The following HSPB8 variants were observed in gnomAD, a reference collection of about 807,000 sequenced individuals.
HSPB8 encodes the protein heat shock protein family B (small) member 8.
In HSPB8, 9 loss-of-function variants were observed where a neutral mutation model predicts 16.5. That is an observed-to-expected ratio of 0.55 (90% confidence interval 0.33 to 0.95). The LOEUF is 0.95. Ranked by LOEUF, HSPB8 falls within the 40% of genes least tolerant of loss-of-function variation. HSPB8 has a pLI of 0.03. For missense variants in HSPB8, 238 were observed against 251.2 expected (o/e 0.95, Z 0.35); for synonymous variants, 99 against 94.8 (o/e 1.04, Z -0.26).
At chr12:119,192,525 G>A (rs533595721) in intron 2 of HSPB8, among the ~76,000 whole-genome samples, 1 of 152,042 alleles carries the variant, frequency 6.6e-6, no homozygotes, top group East Asian at 1.9e-4. Context: ...CATGGTGGTG[G>A]GTGTCTGTAA....
At position 119,194,150 on chromosome 12, in the gene HSPB8, G is replaced by T. The variant is rs1954730209; in HGVS notation, c.*292G>T. 1.3e-5 allele frequency: 6 copies of T among 445,390 alleles called. No individual in the cohort carries two copies. The highest frequency in any genetic ancestry group is 1.1e-4 in the South Asian group (5 of 45,910). 27.6% of individuals were successfully genotyped at this position (445,390 alleles called of 1,614,324 possible). On this transcript the variant is annotated 3_prime_UTR_variant, in exon 3 of 3. Transcript: ENST00000281938. ...TCTATAGTTGCAAAACACATAAAAG[G>T]GGACTTAACATTTCACGTTGTATCT... is the stretch of plus-strand genomic sequence containing the variant.
chr12:119,180,400 G>A (rs1342770219), intron 1 of HSPB8, among the ~76,000 whole-genome samples: 1 of 152,180 alleles, frequency 6.6e-6, no homozygotes, highest in Non-Finnish European at 1.5e-5. Context: ...AAGAAGTGAT[G>A]ATTTACTGAG....
intron 2 of HSPB8, among the ~76,000 whole-genome samples, chr12:119,187,338 C>T (rs1387326762): frequency 6.6e-6 from 1 of 151,998 alleles, no homozygotes; most frequent in African/African-American, 2.4e-5. Flanking sequence ...ATTAAAAACC[C>T]CATTTTATTT....
In HSPB8 at chr12:119,187,077, A is replaced by G. The variant is rs1954680935; in HGVS notation, c.420A>G (p.Thr140=). 2 of 1,614,030 alleles carry G rather than the reference A, an allele frequency of 1.2e-6. No homozygotes were observed. Among genetic ancestry groups the G allele is most frequent in the Non-Finnish European group, 1.7e-6 (2 of 1,179,918 alleles). The change falls in exon 2 of 3, where the codon ACA becomes ACG. Residue 140 remains threonine (T), a synonymous_variant. Coordinates refer to ENST00000281938, the MANE Select transcript of HSPB8 (RefSeq NM_014365.3). ...QEGGIVSKNF[T]KKIQLPAEVD... ...GTGGCATTGTTTCTAAGAACTTCACAAAGAAAATCCAGTAAGTAACCTGGA... is the reference window on the plus strand; with the variant it reads ...GTGGCATTGTTTCTAAGAACTTCACGAAGAAAATCCAGTAAGTAACCTGGA...
chr12:119,189,007 G>A (rs958133495), intron 2 of HSPB8, among the ~76,000 whole-genome samples: 1 of 152,108 alleles, frequency 6.6e-6, no homozygotes, highest in Non-Finnish European at 1.5e-5. Flanking sequence ...CCACATGTCC[G>A]TCCCTGGCCC....
chr12:119,189,191 G>T (rs568917263), intron 2 of HSPB8, among the ~76,000 whole-genome samples: 1 of 152,120 alleles, frequency 6.6e-6, no homozygotes, highest in Non-Finnish European at 1.5e-5. Flanking sequence ...GGCAGGGGGT[G>T]GGGGGAAGCT....
intron 1 of HSPB8, among the ~76,000 whole-genome samples, chr12:119,186,402 A>C (rs1954676200): frequency 6.6e-6 from 1 of 152,224 alleles, no homozygotes; most frequent in African/African-American, 2.4e-5. Flanking sequence ...GCAGAGAGGC[A>C]TCAGGACCTA....
intron 2 of HSPB8, 30 bp downstream of exon 2, chr12:119,187,118 G>A: frequency 6.3e-7 from 1 of 1,593,200 alleles, no homozygotes; most frequent in Non-Finnish European, 8.6e-7. Flanking sequence ...GGAGCTCAGG[G>A]TGGGAGTGGA....
Position 119,194,004 on chromosome 12 carries a change from T to G in HSPB8, c.*146T>G. 1.1e-6 allele frequency: 1 copy of G among 872,536 alleles called. No homozygotes were observed. Among genetic ancestry groups the G allele is most frequent in the Non-Finnish European group, 1.9e-6 (1 of 529,894 alleles). 54.0% of individuals were successfully genotyped at this position (872,536 alleles called of 1,614,324 possible). A position where few individuals can be genotyped will look rare whatever the true frequency, so the allele number is the denominator to read the frequency against. ...GAGGACTGACCACAGATTCCCTGGA[T>G]AGTGTAGTGGTAGATTTCTCCACAG... On this transcript the variant is annotated 3_prime_UTR_variant, in exon 3 of 3. Transcript: ENST00000281938.
intron 1 of HSPB8, chr12:119,186,723 T>A: frequency 3.0e-6 from 1 of 332,926 alleles, no homozygotes; most frequent in Non-Finnish European, 5.8e-6. Flanking sequence ...ACATGGAAGA[T>A]TTGGTACAAC....
chr12:119,190,540 G>A (rs1275853879), intron 2 of HSPB8, among the ~76,000 whole-genome samples: 1 of 152,120 alleles, frequency 6.6e-6, no homozygotes. Flanking sequence ...CTTCCTATTT[G>A]GTTAGGGGAA....
intron 2 of HSPB8, among the ~76,000 whole-genome samples, chr12:119,191,971 T>A (rs1954715235): frequency 1.3e-5 from 2 of 152,190 alleles, no homozygotes; most frequent in South Asian, 4.1e-4. Context: ...GGTGGGATTA[T>A]TGTTAACACC....
At chr12:119,192,997 C>T (rs1376997090) in intron 2 of HSPB8, among the ~76,000 whole-genome samples, 1 of 152,154 alleles carries the variant, frequency 6.6e-6, no homozygotes, top group African/African-American at 2.4e-5. Context: ...TCAGGCCTCT[C>T]CCACAACGTA....
chr12:119,189,302 G>T (rs973894181), intron 2 of HSPB8, among the ~76,000 whole-genome samples: 7 of 143,304 alleles, frequency 4.9e-5, no homozygotes, highest in African/African-American at 1.8e-4. Context: ...TCTTAAAAGG[G>T]GTGTGTGTGT....
At chr12:119,193,468 A>G (rs897211763) in intron 2 of HSPB8, among the ~76,000 whole-genome samples, 1 of 152,182 alleles carries the variant, frequency 6.6e-6, no homozygotes. Flanking sequence ...CAAATACTCT[A>G]CAAGTTCAGT....
intron 1 of HSPB8, among the ~76,000 whole-genome samples, chr12:119,186,194 G>C (rs959871437): frequency 6.6e-6 from 1 of 152,216 alleles, no homozygotes. Flanking sequence ...CCTCCCTGAG[G>C]GGGTTGGGAA....
At chr12:119,187,856 G>A (rs1954686543) in intron 2 of HSPB8, among the ~76,000 whole-genome samples, 1 of 152,200 alleles carries the variant, frequency 6.6e-6, no homozygotes, top group African/African-American at 2.4e-5. Context: ...CCAGGAAAAT[G>A]AGCACCTTCT....
intron 1 of HSPB8, among the ~76,000 whole-genome samples, chr12:119,186,186 T>TC (rs1954674760): frequency 6.6e-6 from 1 of 152,206 alleles, no homozygotes; most frequent in Non-Finnish European, 1.5e-5. Context: ...ATCTTTTTCC[T>TC]CCCTGAGGGG....
chr12:119,182,604 T>C (rs1954646104), intron 1 of HSPB8, among the ~76,000 whole-genome samples: 1 of 151,902 alleles, frequency 6.6e-6, no homozygotes, highest in Non-Finnish European at 1.5e-5. Flanking sequence ...TGCCACTGCA[T>C]TCCAGCCTGG....
Sources: allele counts gnomAD v4.1 joint callset (sites outside exome capture counted in the v4.1 genomes callset), GRCh38; gene constraint gnomAD v4.1.1; transcripts MANE v1.5; gene names NCBI Gene and HGNC (gene_info 2026-07-23, HGNC 2026-07-21).